Variants in KCNIP4 observed in about 807,000 individuals in gnomAD.
The protein encoded by KCNIP4 is potassium voltage-gated channel interacting protein 4, also known as Kv channel-interacting protein 4.
In KCNIP4, 12 loss-of-function variants were observed where a neutral mutation model predicts 34.0. The observed-to-expected ratio is 0.35, with a 90% CI of 0.23 to 0.57. The LOEUF is 0.57. KCNIP4 is among the 20% of genes least tolerant of loss of function. KCNIP4 has a pLI of 0.83. For synonymous variants in KCNIP4, 124 were observed against 102.2 expected (o/e 1.21, Z -1.29); for missense variants, 238 against 311.7 (o/e 0.76, Z 1.78).
chr4:21,701,884 A>C (rs921711312), intron 1 of KCNIP4, among the ~76,000 whole-genome samples: 1 of 151,982 alleles, frequency 6.6e-6, no homozygotes, highest in Non-Finnish European at 1.5e-5. Flanking sequence ...TTATATTTTT[A>C]GTAGAGACAG....
At chr4:21,329,444 A>AC (rs1397328597) in intron 1 of KCNIP4, among the ~76,000 whole-genome samples, 4 of 152,216 alleles carry the variant, frequency 2.6e-5, no homozygotes, top group Non-Finnish European at 5.9e-5. Context: ...TGGAATACTT[A>AC]CTACACATCA....
chr4:21,448,538 T>C (rs763516860), intron 1 of KCNIP4, among the ~76,000 whole-genome samples: 3 of 152,148 alleles, frequency 2.0e-5, no homozygotes, highest in Non-Finnish European at 4.4e-5. Flanking sequence ...TCATGGCTTA[T>C]AGTAAAACGA....
At chr4:21,142,741 G>A (rs1178792785) in intron 1 of KCNIP4, among the ~76,000 whole-genome samples, 3 of 152,104 alleles carry the variant, frequency 2.0e-5, no homozygotes, top group African/African-American at 7.2e-5. Context: ...CCCAAGAAAC[G>A]TGTCACAGCT....
chr4:21,405,334 A>G (rs2109568051), intron 1 of KCNIP4, among the ~76,000 whole-genome samples: 1 of 152,284 alleles, frequency 6.6e-6, no homozygotes, highest in African/African-American at 2.4e-5. Context: ...CATGAATAAA[A>G]TCTTCCTTAT....
chr4:21,882,859 T>C (rs918874339), intron 1 of KCNIP4, among the ~76,000 whole-genome samples: 1 of 152,112 alleles, frequency 6.6e-6, no homozygotes, highest in Non-Finnish European at 1.5e-5. Flanking sequence ...TAACCAGACA[T>C]TGCCATGTGA....
chr4:21,219,067 G>A (rs751843188), intron 1 of KCNIP4, among the ~76,000 whole-genome samples: 6 of 151,920 alleles, frequency 3.9e-5, no homozygotes, highest in Admixed American at 1.3e-4. Flanking sequence ...TAAAAACTGT[G>A]GTTGGCTTAA....
At chr4:21,834,978 T>C (rs2109310994) in intron 1 of KCNIP4, among the ~76,000 whole-genome samples, 1 of 152,300 alleles carries the variant, frequency 6.6e-6, no homozygotes, top group Admixed American at 6.5e-5. Flanking sequence ...TTTGATGTGC[T>C]GCTGGATTCG....
chr4:21,187,753 C>T (rs1338706270), intron 1 of KCNIP4, among the ~76,000 whole-genome samples: 1 of 152,004 alleles, frequency 6.6e-6, no homozygotes, highest in Non-Finnish European at 1.5e-5. Context: ...ATCATGCACT[C>T]TCTATGCTCA....
chr4:21,189,722 G>T (rs967625450), intron 1 of KCNIP4, among the ~76,000 whole-genome samples: 1 of 152,200 alleles, frequency 6.6e-6, no homozygotes, highest in South Asian at 2.1e-4. Context: ...CCACTTGAGA[G>T]TGAAAAATTA....
At chr4:21,130,571 GT>G (rs1750988088) in intron 1 of KCNIP4, among the ~76,000 whole-genome samples, 1 of 152,120 alleles carries the variant, frequency 6.6e-6, no homozygotes, top group South Asian at 2.1e-4. Flanking sequence ...GAAATTGTTT[GT>G]TTGTATTCAT....
At position 21,888,481 on chromosome 4, in the gene KCNIP4, C is replaced by T. The variant is rs150103888; in HGVS notation, c.61+60090G>A. ...TTGTATTTCCATAATAATGTTGCAC[C>T]CAAAGCCTTGTGAACACAAGAAGAT... On this transcript the variant is annotated intron_variant, in intron 1 of 8. Coordinates refer to ENST00000382152, the MANE Select transcript of KCNIP4 (RefSeq NM_025221.6). 8.7e-3 allele frequency among the ~76,000 whole-genome samples: 1,324 copies of T among 151,978 alleles called. 15 individuals are homozygous for T. Among genetic ancestry groups the T allele is most frequent in the South Asian group, 0.034 (162 of 4,810 alleles).
intron 1 of KCNIP4, among the ~76,000 whole-genome samples, chr4:21,714,563 T>C (rs1351582552): frequency 8.8e-6 from 1 of 114,268 alleles, no homozygotes; most frequent in African/African-American, 3.2e-5. Context: ...GGGGGATTAA[T>C]GGGGGAAGGA....
intron 1 of KCNIP4, among the ~76,000 whole-genome samples, chr4:21,655,615 A>C (rs571849099): frequency 1.9e-4 from 29 of 152,338 alleles, no homozygotes; most frequent in African/African-American, 6.3e-4. Flanking sequence ...CATCACATAA[A>C]GGTAGAATAT....
chr4:20,761,306 C>T (rs577055049), intron 3 of KCNIP4, among the ~76,000 whole-genome samples: 1 of 152,302 alleles, frequency 6.6e-6, no homozygotes, highest in Admixed American at 6.5e-5. Flanking sequence ...TATACTCACA[C>T]ATCCTATTAG....
intron 1 of KCNIP4, among the ~76,000 whole-genome samples, chr4:21,295,187 A>G (rs1213168274): frequency 2.6e-5 from 4 of 152,144 alleles, no homozygotes; most frequent in Admixed American, 6.5e-5. Flanking sequence ...ACCTAGATCA[A>G]TGAAGAGCAG....
At chr4:20,952,469 T>G (rs1732879618) in intron 1 of KCNIP4, among the ~76,000 whole-genome samples, 1 of 152,176 alleles carries the variant, frequency 6.6e-6, no homozygotes, top group African/African-American at 2.4e-5. Context: ...AAATACAAAA[T>G]TTTACTATCT....
intron 5 of KCNIP4, among the ~76,000 whole-genome samples, chr4:20,740,898 A>C (rs1330565277): frequency 2.0e-5 from 3 of 149,250 alleles, no homozygotes; most frequent in Non-Finnish European, 4.4e-5. Flanking sequence ...AATGGAAAAC[A>C]AAAAAAAAGC....
At chr4:20,979,664 C>T (rs1292318244) in intron 1 of KCNIP4, among the ~76,000 whole-genome samples, 4 of 152,050 alleles carry the variant, frequency 2.6e-5, no homozygotes, top group African/African-American at 9.7e-5. Flanking sequence ...TCCCAAAGTG[C>T]TGGGATTACA....
chr4:21,369,900 C>T (rs1720161893), intron 1 of KCNIP4, among the ~76,000 whole-genome samples: 1 of 143,886 alleles, frequency 6.9e-6, no homozygotes, highest in African/African-American at 2.8e-5. Context: ...CTGCTCACTG[C>T]AAGCTCTGTC....
Sources: gnomAD v4.1 joint callset for allele counts (sites outside exome capture counted in the v4.1 genomes callset) on GRCh38, gnomAD v4.1.1 for gene constraint, MANE v1.5 for transcripts, NCBI Gene and HGNC (gene_info 2026-07-23, HGNC 2026-07-21) for gene names.